The following WSB1 variants were observed in gnomAD, a reference collection of about 807,000 sequenced individuals.
The protein encoded by WSB1 is WD repeat and SOCS box containing 1.
Under a neutral mutation model 50.2 loss-of-function variants are expected in WSB1, and 23 were observed. The ratio of observed to expected loss-of-function variants is 0.46; its 90% CI spans 0.33 to 0.65. WSB1 has a LOEUF of 0.65. Ranked by LOEUF, WSB1 falls within the 30% of genes least tolerant of loss-of-function variation. The pLI, the probability that WSB1 is intolerant of heterozygous loss-of-function variation, is 0.02. For missense variants in WSB1, 492 were observed against 522.3 expected (o/e 0.94, Z 0.56); for synonymous variants, 179 against 172.0 (o/e 1.04, Z -0.32).
At chr17:27,299,342 C>T (rs535639241) in intron 1 of WSB1, among the ~76,000 whole-genome samples, 2 of 152,150 alleles carry the variant, frequency 1.3e-5, no homozygotes, top group African/African-American at 4.8e-5. Context: ...GGAACACCTA[C>T]CTTTACAAAA....
rs555109165 is a variant in WSB1, at chr17:27,300,307, G to T, written c.41-1481G>T. ...ATACATAAAAATATATTATTATACA[G>T]TGTACAATTGACCAGACAACTGACC... is the stretch of plus-strand genomic sequence containing the variant. On this transcript the variant is annotated intron_variant, in intron 1 of 8. Coordinates refer to ENST00000262394, the MANE Select transcript of WSB1 (RefSeq NM_015626.10). 9.9e-5 allele frequency among the ~76,000 whole-genome samples: 15 copies of T among 152,258 alleles called. No individual in the cohort carries two copies. In the South Asian group the frequency reaches 3.1e-3, roughly 32 times the overall value.
intron 6 of WSB1, 100 bp from the exon 7 acceptor site, chr17:27,309,961 C>A: frequency 2.4e-6 from 2 of 842,256 alleles, no homozygotes; most frequent in Non-Finnish European, 1.9e-6. Context: ...TTAATTAAGG[C>A]TACTTTAAAC....
chr17:27,307,749 G>A (rs1296691956), intron 5 of WSB1: 1 of 1,534,562 alleles, frequency 6.5e-7, no homozygotes, highest in African/African-American at 1.4e-5. Flanking sequence ...CACAGGTGGT[G>A]GCAGCAATAT....
intron 2 of WSB1, chr17:27,302,546 G>A (rs2017280288): frequency 6.6e-6 from 1 of 151,960 alleles, no homozygotes; most frequent in Non-Finnish European, 1.5e-5. Flanking sequence ...TCTGTGATGT[G>A]AAGCTTTTTG....
At chr17:27,298,603 A>G (rs2017089661) in intron 1 of WSB1, among the ~76,000 whole-genome samples, 3 of 152,118 alleles carry the variant, frequency 2.0e-5, no homozygotes, top group Middle Eastern at 3.4e-3. Context: ...CTCTAATCTG[A>G]GCACTTTGGG....
chr17:27,308,790 T>G (rs2017557057), intron 5 of WSB1: 3 of 1,006,402 alleles, frequency 3.0e-6, no homozygotes, highest in Non-Finnish European at 3.6e-6. Context: ...ATATTTTAGT[T>G]AATTAGTTTT....
chr17:27,315,692 G>A lies in WSB1; in HGVS notation c.*3323G>A, dbSNP rs1184246836. 6.6e-6 allele frequency: 1 copy of A among 152,116 alleles called. No individual in the cohort carries two copies. Among genetic ancestry groups the A allele is most frequent in the Non-Finnish European group, 1.5e-5 (1 of 68,036 alleles). The allele number at this position is 152,116 out of a possible 1,614,324, so 9.4% of individuals were successfully genotyped here. On this transcript the variant is annotated 3_prime_UTR_variant, in exon 9 of 9. Transcript: ENST00000262394. ...CAGATGAGGGTTTGTAGGTGACATA[G>A]CATTTTACCCAAGTAATTCTGAACA...
intron 1 of WSB1, among the ~76,000 whole-genome samples, chr17:27,294,845 T>A (rs1343786128): frequency 6.6e-6 from 1 of 152,162 alleles, no homozygotes; most frequent in Non-Finnish European, 1.5e-5. Context: ...GGGGTCCTCG[T>A]GTGTACCAAC....
chr17:27,310,071 C>G lies in WSB1; in HGVS notation c.895C>G (p.Pro299Ala). Residue 299 changes from proline to alanine, a missense_variant, in exon 7 of 9, where the codon CCC becomes GCC. Pro to Ala is a conservative substitution (Grantham distance 27). Coordinates refer to ENST00000262394, the MANE Select transcript of WSB1 (RefSeq NM_015626.10). The part of the protein sequence containing the change: ...DILMEFGHLF[P>A]PPTPIFAGGA... ...TATATTTGACCTCAGGCACCTGTTT[C>G]CCCCACCTACTCCAATATTTGCTGG... 1.2e-6 allele frequency: 2 copies of G among 1,613,996 alleles called. No homozygotes were observed. Among genetic ancestry groups the G allele is most frequent in the South Asian group, 2.2e-5 (2 of 91,070 alleles).
intron 1 of WSB1, among the ~76,000 whole-genome samples, chr17:27,296,850 TAAA>T (rs2017001364): frequency 6.6e-6 from 1 of 152,056 alleles, no homozygotes; most frequent in Non-Finnish European, 1.5e-5. Context: ...AGGTTTAACT[TAAA>T]AATTTTTTTT....
chr17:27,311,906 C>T (rs2017700883), intron 8 of WSB1, among the ~76,000 whole-genome samples: 1 of 152,092 alleles, frequency 6.6e-6, no homozygotes, highest in African/African-American at 2.4e-5. Context: ...CCTCAACTTC[C>T]CAAAGTGCTG....
intron 5 of WSB1, chr17:27,308,271 C>T (rs1181894854): frequency 1.0e-6 from 1 of 985,442 alleles, no homozygotes; most frequent in Non-Finnish European, 1.2e-6. Flanking sequence ...GGATAAACCT[C>T]CAAGCTCACA....
At chr17:27,307,009 C>T in intron 5 of WSB1, 127 bp downstream of exon 5, 1 of 824,870 alleles carries the variant, frequency 1.2e-6, no homozygotes, top group East Asian at 2.9e-5. Context: ...TGTTTTATTT[C>T]ATGATGGGGG....
chr17:27,307,242 T>A (rs551210455), intron 5 of WSB1: 113 of 222,574 alleles, frequency 5.1e-4, no homozygotes, highest in African/African-American at 2.5e-3. Flanking sequence ...GTTTGCTGTT[T>A]TTAAAGTTTT....
chr17:27,303,699 A>G (rs2017330065), intron 3 of WSB1, 64 bp downstream of exon 3: 2 of 1,549,466 alleles, frequency 1.3e-6, no homozygotes, highest in African/African-American at 1.4e-5. Context: ...GCTTATAGGC[A>G]CTGGAATTGG....
At chr17:27,295,093 C>T (rs2016898849) in intron 1 of WSB1, among the ~76,000 whole-genome samples, 1 of 152,172 alleles carries the variant, frequency 6.6e-6, no homozygotes, top group Non-Finnish European at 1.5e-5. Context: ...TAGCCCTGGT[C>T]GGCTTAGTAA....
chr17:27,309,945 GTTATA>G, intron 6 of WSB1, 111 bp from the exon 7 acceptor site: 1 of 748,594 alleles, frequency 1.3e-6, no homozygotes. Context: ...AGTCTTCTCA[GTTATA>G]TTAATTAAGG....
chr17:27,294,422 C>T lies in WSB1; in HGVS notation c.27C>T (p.Asn9=), dbSNP rs2016857396. The change falls in exon 1 of 9, where the codon AAC becomes AAT. Residue 9 remains asparagine (N), a synonymous_variant. Transcript: ENST00000262394. MASFPPRV[N]EKEIVRLRTI... ...TGGCCAGCTTTCCCCCGAGGGTCAA[C>T]GAGAAAGAGATCGGTGAGGATTGGG... The T allele has an allele frequency of 1.2e-6, 2 of 1,613,722 alleles. No individual in the cohort carries two copies. The highest frequency in any genetic ancestry group is 1.7e-5 in the Admixed American group (1 of 59,980).
At chr17:27,299,079 TATAA>T (rs2017112654) in intron 1 of WSB1, among the ~76,000 whole-genome samples, 1 of 152,134 alleles carries the variant, frequency 6.6e-6, no homozygotes, top group African/African-American at 2.4e-5. Flanking sequence ...AGGCCAGGCA[TATAA>T]AGAACCCTGG....
Sources: allele counts gnomAD v4.1 joint callset (sites outside exome capture counted in the v4.1 genomes callset), GRCh38; gene constraint gnomAD v4.1.1; transcripts MANE v1.5; gene names NCBI Gene and HGNC (gene_info 2026-07-23, HGNC 2026-07-21).